Variants in ZNRF3 observed in about 807,000 individuals in gnomAD.
ZNRF3 encodes E3 ubiquitin-protein ligase ZNRF3.
ZNRF3 carries 23 observed loss-of-function variants against 72.5 expected under a neutral mutation model. The ratio of observed to expected loss-of-function variants is 0.32; its 90% CI spans 0.23 to 0.45. ZNRF3 has a LOEUF of 0.45. Among genes scored for constraint, ZNRF3 ranks in the 20% least tolerant of loss-of-function variants. The probability of loss-of-function intolerance (pLI) is 1.00; values close to 1 mark genes in which losing one functional copy is unlikely to be tolerated. For missense variants in ZNRF3, 1,169 were observed against 1,272.1 expected, an observed-to-expected ratio of 0.92 and a Z score of 1.23; for synonymous variants, 610 against 545.3, an observed-to-expected ratio of 1.12 and a Z score of -1.65.
At chr22:28,969,306 CT>C (rs2035529262) in intron 1 of ZNRF3, among the ~76,000 whole-genome samples, 1 of 152,166 alleles carries the variant, frequency 6.6e-6, no homozygotes, top group African/African-American at 2.4e-5. Context: ...CTGTTCTGTT[CT>C]TTTTTTCCCC....
chr22:28,944,429 T>C (rs1430221732), intron 1 of ZNRF3, among the ~76,000 whole-genome samples: 3 of 151,726 alleles, frequency 2.0e-5, no homozygotes, highest in Admixed American at 2.0e-4. Context: ...GAGACCATCC[T>C]GGCTAACATG....
At chr22:28,980,124 G>C (rs1024959422) in intron 1 of ZNRF3, among the ~76,000 whole-genome samples, 3 of 151,820 alleles carry the variant, frequency 2.0e-5, no homozygotes, top group Non-Finnish European at 4.4e-5. Context: ...AGTTAAGACA[G>C]ATGCTACAGT....
chr22:28,885,904 AC>A (rs2041921040), intron 1 of ZNRF3, among the ~76,000 whole-genome samples: 1 of 150,300 alleles, frequency 6.7e-6, no homozygotes, highest in Non-Finnish European at 1.5e-5. Flanking sequence ...TGCTTATCTA[AC>A]TCTTTTGTAG....
intron 1 of ZNRF3, among the ~76,000 whole-genome samples, chr22:28,980,907 G>A (rs574624668): frequency 1.3e-5 from 2 of 152,160 alleles, no homozygotes; most frequent in South Asian, 4.1e-4. Flanking sequence ...CAATTCAGCT[G>A]TTTTTAATCT....
At position 29,049,227 on chromosome 22, in the gene ZNRF3, T is replaced by A; in HGVS notation, c.1046T>A (p.Val349Glu). ...EQKGNPSAVCVETSNLSRGRQ... is the reference protein window; with the variant it reads ...EQKGNPSAVCEETSNLSRGRQ... ...AAGGGAAACCCAAGCGCGGTGTGTG[T>A]GGAGACCAGCAACCTCTCACGTGGT... Residue 349 changes from valine to glutamate, a missense_variant, in exon 8 of 9, where the codon GTG (valine) becomes GAG (glutamate). Transcript: ENST00000544604. This position sits in a 1 kb window ranked among gnomAD's most constrained non-coding sequence, Gnocchi z 5.2. 1 of 1,610,902 alleles carries A rather than the reference T, an allele frequency of 6.2e-7. No individual in the cohort carries two copies. The highest frequency in any genetic ancestry group is 8.5e-7 in the Non-Finnish European group (1 of 1,178,184).
chr22:28,998,416 G>T (rs2036084537), intron 2 of ZNRF3, among the ~76,000 whole-genome samples: 1 of 152,168 alleles, frequency 6.6e-6, no homozygotes, highest in South Asian at 2.1e-4. Flanking sequence ...TGAGCAAGAT[G>T]GGTTTCTTGT....
In ZNRF3 at chr22:29,030,153, G is replaced by A. The variant is rs1441751767; in HGVS notation, c.427-12342G>A. 5.9e-5 allele frequency among the ~76,000 whole-genome samples: 9 copies of A among 152,136 alleles called. No homozygotes were observed. Among genetic ancestry groups the A allele is most frequent in the Non-Finnish European group, 1.3e-4 (9 of 68,008 alleles). On this transcript the variant is annotated intron_variant, in intron 2 of 8. Transcript: ENST00000544604. The surrounding 1 kb of genome is among the most constrained non-coding windows in gnomAD (Gnocchi z 4.2). The stretch of plus-strand genomic sequence containing the variant: ...AGGAGGGTGTGGACAGGCTTTCCTG[G>A]GTTTTTGGTGCTCCTTGTCAGGTGT...
In ZNRF3 at chr22:28,952,298, C is replaced by T. The variant is rs367736408; in HGVS notation, c.301-34778C>T. On this transcript the variant is annotated intron_variant, in intron 1 of 8. Coordinates refer to ENST00000544604, the MANE Select transcript of ZNRF3 (RefSeq NM_001206998.2). ...TCCCATGTCCCCCAGGAATGTGGAA[C>T]GCTATGGAAATGCTCTGGCCCTCCC... 7.2e-5 allele frequency among the ~76,000 whole-genome samples: 11 copies of T among 152,308 alleles called. No individual in the cohort carries two copies. The East Asian group carries it at 7.7e-4, about 11-fold the overall frequency.
At chr22:28,889,179 T>G (rs913649278) in intron 1 of ZNRF3, among the ~76,000 whole-genome samples, 4 of 152,120 alleles carry the variant, frequency 2.6e-5, no homozygotes, top group Non-Finnish European at 5.9e-5. Context: ...TGAACAGAAC[T>G]TGGCTGGTTA....
chr22:29,039,326 CTG>C (rs2036917387), intron 2 of ZNRF3, among the ~76,000 whole-genome samples: 1 of 152,176 alleles, frequency 6.6e-6, no homozygotes, highest in East Asian at 1.9e-4. Context: ...GCCTTTCATC[CTG>C]AGGCCATTAG....
chr22:28,896,225 C>T (rs2033993612), intron 1 of ZNRF3, among the ~76,000 whole-genome samples: 1 of 152,240 alleles, frequency 6.6e-6, no homozygotes, highest in Non-Finnish European at 1.5e-5. Flanking sequence ...ACCTCCGCCT[C>T]CCGGGTTCAA....
chr22:28,970,410 T>G (rs556294673), intron 1 of ZNRF3, among the ~76,000 whole-genome samples: 1 of 152,238 alleles, frequency 6.6e-6, no homozygotes, highest in Non-Finnish European at 1.5e-5. Context: ...CATACATTGC[T>G]TTTGGTAATC....
intron 1 of ZNRF3, among the ~76,000 whole-genome samples, chr22:28,949,449 A>AT (rs912406914): frequency 2.7e-4 from 39 of 144,526 alleles, no homozygotes; most frequent in Admixed American, 3.5e-4. Flanking sequence ...ATATTTTTTT[A>AT]TTTTTTTTTT....
rs368341383 is a variant in ZNRF3 at position 29,051,657 on chromosome 22, T to C, written c.2767+709T>C. 1.8e-4 allele frequency among the ~76,000 whole-genome samples: 26 copies of C among 148,220 alleles called. No homozygotes were observed. In the East Asian group the frequency reaches 2.8e-3, roughly 16 times the overall value. On this transcript the variant is annotated intron_variant, in intron 8 of 8. Coordinates refer to ENST00000544604, the MANE Select transcript of ZNRF3 (RefSeq NM_001206998.2). The stretch of plus-strand genomic sequence containing the variant: ...CCCAGTGGCTCATGCCTGTAATCCC[T>C]GCACTTTGGGAGGGCAAGGCGTGTG...
intron 1 of ZNRF3, among the ~76,000 whole-genome samples, chr22:28,968,744 T>TACC (rs2035519515): frequency 6.6e-6 from 1 of 152,196 alleles, no homozygotes; most frequent in African/African-American, 2.4e-5. Context: ...CTGCCCTATT[T>TACC]TCATTTAATC....
At chr22:28,972,717 G>C (rs142553811) in intron 1 of ZNRF3, among the ~76,000 whole-genome samples, 1 of 152,156 alleles carries the variant, frequency 6.6e-6, no homozygotes, top group African/African-American at 2.4e-5. Context: ...TCCATTCTGC[G>C]TTGCCATCAG....
chr22:28,949,229 C>T (rs914663320), intron 1 of ZNRF3, among the ~76,000 whole-genome samples: 5 of 151,732 alleles, frequency 3.3e-5, no homozygotes, highest in African/African-American at 9.7e-5. Flanking sequence ...CCATCTGCCT[C>T]GGCTTCCCAA....
At chr22:29,013,552 T>C (rs2036381483) in intron 2 of ZNRF3, among the ~76,000 whole-genome samples, 1 of 152,234 alleles carries the variant, frequency 6.6e-6, no homozygotes, top group Non-Finnish European at 1.5e-5. Flanking sequence ...TGGCAAAATA[T>C]GATGGCAATT....
intron 2 of ZNRF3, among the ~76,000 whole-genome samples, chr22:29,028,161 T>C (rs367544438): frequency 6.6e-6 from 1 of 152,228 alleles, no homozygotes; most frequent in African/African-American, 2.4e-5. Context: ...ATGAAAGTTG[T>C]AGTGTTTGTG....
Sources: allele counts gnomAD v4.1 joint callset (sites outside exome capture counted in the v4.1 genomes callset), GRCh38; gene constraint gnomAD v4.1.1; non-coding constraint Gnocchi (gnomAD v3.1); transcripts MANE v1.5; gene names NCBI Gene and HGNC (gene_info 2026-07-23, HGNC 2026-07-21).